The following UGT1A10 variants were observed in gnomAD, a reference collection of about 807,000 sequenced individuals.
UGT1A10 encodes the protein UDP glucuronosyltransferase family 1 member A10, also known as UDP-glucuronosyltransferase 1A10.
In UGT1A10, 49 loss-of-function variants were observed where a neutral mutation model predicts 45.8. The ratio of observed to expected loss-of-function variants is 1.07; its 90% confidence interval spans 0.85 to 1.36. The LOEUF is 1.36. Ranked by LOEUF, UGT1A10 falls within the 40% of genes most tolerant of loss-of-function variation. The pLI is 0.00. For synonymous variants in UGT1A10, 284 were observed against 249.7 expected, an observed-to-expected ratio of 1.14 and a Z score of -1.29; for missense variants, 745 against 668.6, an observed-to-expected ratio of 1.11 and a Z score of -1.26.
intron 1 of UGT1A10, among the ~76,000 whole-genome samples, chr2:233,765,411 G>A (rs1367476072): frequency 6.6e-6 from 1 of 152,138 alleles, no homozygotes; most frequent in East Asian, 1.9e-4. Flanking sequence ...ATACACCATG[G>A]AATACTATGC....
intron 1 of UGT1A10, chr2:233,743,255 C>T: frequency 2.3e-6 from 1 of 438,832 alleles, no homozygotes; most frequent in Middle Eastern, 3.5e-4. Flanking sequence ...CTCAACTCTC[C>T]ATCTTCCTCC....
At chr2:233,692,098 G>T (rs1311046978) in intron 1 of UGT1A10, 2 of 152,140 alleles carry the variant, frequency 1.3e-5, no homozygotes, top group African/African-American at 4.8e-5. Flanking sequence ...TTTGATCACC[G>T]ATGGGCAACA....
chr2:233,767,978 A>C, intron 3 of UGT1A10, 42 bp downstream of exon 3: 1 of 1,614,204 alleles, frequency 6.2e-7, no homozygotes, highest in Admixed American at 1.7e-5. Context: ...ACCAGGGTCA[A>C]ATTAAGAAAA....
chr2:233,739,475 GA>G (rs1691117772), intron 1 of UGT1A10, among the ~76,000 whole-genome samples: 1 of 152,238 alleles, frequency 6.6e-6, no homozygotes, highest in African/African-American at 2.4e-5. Flanking sequence ...GAGACCGTGG[GA>G]GCCCATTTCT....
At chr2:233,770,880 T>C (rs1452182002) in intron 4 of UGT1A10, 6 of 152,248 alleles carry the variant, frequency 3.9e-5, no homozygotes, top group African/African-American at 1.2e-4. Context: ...AGAGGTTTCA[T>C]TGGCTCGTGT....
chr2:233,691,239 T>C lies in UGT1A10; in HGVS notation c.855+53862T>C, dbSNP rs912539415. The C allele has an allele frequency of 2.5e-5, 25 of 985,440 alleles. No homozygotes were observed. The African/African-American group carries it at 2.8e-4, about 11-fold the overall frequency. The allele number at this position is 985,440 out of a possible 1,614,324, so 61.0% of individuals were successfully genotyped here. Reference sequence around the variant, plus strand: ...ACCTTCCTGGAGTCTTATTGCTATCTAGATGAACTCAAAGCAAGATGCTGC... The same window carrying C: ...ACCTTCCTGGAGTCTTATTGCTATCCAGATGAACTCAAAGCAAGATGCTGC... On this transcript the variant is annotated intron_variant, in intron 1 of 4. Transcript: ENST00000344644.
chr2:233,672,888 A>C, intron 1 of UGT1A10: 1 of 1,512,682 alleles, frequency 6.6e-7, no homozygotes, highest in Non-Finnish European at 8.8e-7. Flanking sequence ...CATTTGTTTC[A>C]TTTCAAATTT....
At chr2:233,754,255 AG>A in intron 1 of UGT1A10, 1 of 170,204 alleles carries the variant, frequency 5.9e-6, no homozygotes, top group Admixed American at 5.6e-5. Context: ...CAACGGAAAA[AG>A]GTAAGGCTCA....
intron 1 of UGT1A10, among the ~76,000 whole-genome samples, chr2:233,644,005 A>C (rs2073531844): frequency 6.6e-6 from 1 of 152,164 alleles, no homozygotes; most frequent in Admixed American, 6.5e-5. Flanking sequence ...CAAGCTGTGC[A>C]TCCTGGGATT....
chr2:233,713,091 G>C lies in UGT1A10; in HGVS notation c.856-53943G>C, dbSNP rs200372008. ...GGCTGAGAGTGGGAAGGTGCTGGTGGTGCCCACTGATGGCAGCCACTGGCT... is the reference window on the plus strand; with the variant it reads ...GGCTGAGAGTGGGAAGGTGCTGGTGCTGCCCACTGATGGCAGCCACTGGCT... On this transcript the variant is annotated intron_variant, in intron 1 of 4. Transcript: ENST00000344644. The C allele has an allele frequency of 3.7e-6, 6 of 1,614,180 alleles. No individual in the cohort carries two copies. The Admixed American group carries it at 1.0e-4, about 27-fold the overall frequency.
chr2:233,713,930 G>C (rs1200038289), intron 1 of UGT1A10: 3 of 1,611,758 alleles, frequency 1.9e-6, no homozygotes, highest in Non-Finnish European at 2.5e-6. Flanking sequence ...TTACTTACAA[G>C]TGCTTCCATA....
intron 1 of UGT1A10, among the ~76,000 whole-genome samples, chr2:233,715,035 T>C (rs2076429171): frequency 6.6e-6 from 1 of 152,024 alleles, no homozygotes; most frequent in East Asian, 1.9e-4. Flanking sequence ...TGGCACCACA[T>C]CCAGCTAATT....
intron 1 of UGT1A10, among the ~76,000 whole-genome samples, chr2:233,694,343 T>A (rs1046388830): frequency 1.3e-5 from 2 of 152,038 alleles, no homozygotes; most frequent in Admixed American, 6.5e-5. Flanking sequence ...TGTTTTTATA[T>A]GGCCCAGAGC....
chr2:233,755,562 G>A (rs185113714), intron 1 of UGT1A10: 366 of 159,838 alleles, frequency 2.3e-3, no homozygotes, highest in Non-Finnish European at 4.3e-3. Flanking sequence ...GGGAAAAAGA[G>A]GTTGGGGAAA....
chr2:233,728,546 C>T (rs2008595), intron 1 of UGT1A10, among the ~76,000 whole-genome samples: 83,886 of 152,146 alleles, frequency 0.55, 25,265 homozygotes, highest in African/African-American at 0.81. Context: ...AGAGTCCTCT[C>T]TGATCCTTAC....
At chr2:233,734,123 A>ATAATAAT (rs1384319848) in intron 1 of UGT1A10, among the ~76,000 whole-genome samples, 2 of 151,918 alleles carry the variant, frequency 1.3e-5, no homozygotes, top group Non-Finnish European at 2.9e-5. Flanking sequence ...AATAATAATA[A>ATAATAAT]AAAGAATTTG....
intron 1 of UGT1A10, among the ~76,000 whole-genome samples, chr2:233,724,482 A>T (rs1472429927): frequency 6.4e-4 from 41 of 64,386 alleles, no homozygotes; most frequent in South Asian, 1.8e-3. Flanking sequence ...CACTTCTCAG[A>T]CGGGGCGGCC....
intron 1 of UGT1A10, among the ~76,000 whole-genome samples, chr2:233,720,986 C>T (rs931930745): frequency 6.6e-6 from 1 of 151,446 alleles, no homozygotes; most frequent in Admixed American, 6.6e-5. Flanking sequence ...GCTGGGATTA[C>T]AGGCAAGAGC....
chr2:233,757,331 A>T (rs1696493214), intron 1 of UGT1A10, among the ~76,000 whole-genome samples: 1 of 150,806 alleles, frequency 6.6e-6, no homozygotes, highest in Non-Finnish European at 1.5e-5. Context: ...CTGAAATGGG[A>T]CCATGACAGC....
Sources: gnomAD v4.1 joint callset for allele counts (sites outside exome capture counted in the v4.1 genomes callset) on GRCh38, gnomAD v4.1.1 for gene constraint, MANE v1.5 for transcripts, NCBI Gene and HGNC (gene_info 2026-07-23, HGNC 2026-07-21) for gene names.